CADM2: variants seen among roughly 807,000 people sequenced by gnomAD.
The protein encoded by CADM2 is cell adhesion molecule 2, also known as immunoglobulin superfamily member 4D.
A neutral mutation model predicts 49.8 loss-of-function variants in CADM2; 12 were observed. The ratio of observed to expected loss-of-function variants is 0.24; its 90% confidence interval spans 0.15 to 0.39. The LOEUF (loss-of-function observed/expected upper bound fraction) is 0.39. CADM2 is among the 10% of genes least tolerant of loss of function. CADM2 has a pLI of 1.00. For synonymous variants in CADM2, 214 were observed against 175.4 expected (o/e 1.22, Z -1.74); for missense variants, 378 against 492.3 (o/e 0.77, Z 2.20).
chr3:85,237,368 A>G (rs967063134), intron 1 of CADM2, among the ~76,000 whole-genome samples: 4 of 151,968 alleles, frequency 2.6e-5, no homozygotes, highest in Non-Finnish European at 5.9e-5. Flanking sequence ...ACCTCAAAAA[A>G]AAAATACCTA....
At chr3:86,016,611 C>A (rs779830843) in intron 8 of CADM2, among the ~76,000 whole-genome samples, 1 of 152,058 alleles carries the variant, frequency 6.6e-6, no homozygotes, top group Admixed American at 6.6e-5. Flanking sequence ...TCCTTCTCTG[C>A]GGAAGTTTCA....
At chr3:85,144,051 G>A (rs904741855) in intron 1 of CADM2, among the ~76,000 whole-genome samples, 1 of 152,064 alleles carries the variant, frequency 6.6e-6, no homozygotes, top group African/African-American at 2.4e-5. Flanking sequence ...ACTTTGCACT[G>A]TTTGTTCCTT....
chr3:85,690,812 T>C (rs1315816382), intron 1 of CADM2, among the ~76,000 whole-genome samples: 2 of 152,330 alleles, frequency 1.3e-5, no homozygotes, highest in East Asian at 3.9e-4. Context: ...TACTTGTACA[T>C]ATTTATGGTA....
chr3:85,987,915 T>C (rs1406402799), intron 8 of CADM2, among the ~76,000 whole-genome samples: 1 of 152,036 alleles, frequency 6.6e-6, no homozygotes, highest in East Asian at 1.9e-4. Context: ...TGAATTAAAT[T>C]TACAAGCTGT....
At chr3:85,816,401 G>A (rs1382999971) in intron 3 of CADM2, among the ~76,000 whole-genome samples, 1 of 152,002 alleles carries the variant, frequency 6.6e-6, no homozygotes, top group African/African-American at 2.4e-5. Context: ...TGAGTTATAG[G>A]CAGGAGTGTG....
At chr3:85,752,989 A>G (rs1450259847) in intron 2 of CADM2, among the ~76,000 whole-genome samples, 1 of 152,170 alleles carries the variant, frequency 6.6e-6, no homozygotes, top group Non-Finnish European at 1.5e-5. Flanking sequence ...CTTACTCAGT[A>G]GGTACAAATA....
At chr3:85,405,973 C>A (rs751890413) in intron 1 of CADM2, among the ~76,000 whole-genome samples, 52 of 151,364 alleles carry the variant, frequency 3.4e-4, no homozygotes, top group Non-Finnish European at 4.3e-4. Context: ...TAGATATATG[C>A]GTGCATATAT....
chr3:84,987,087 G>A (rs1559603797), intron 1 of CADM2, among the ~76,000 whole-genome samples: 1 of 151,906 alleles, frequency 6.6e-6, no homozygotes, highest in Middle Eastern at 3.2e-3. Context: ...AAAGAGTTTG[G>A]ACACTAACTG....
intron 1 of CADM2, among the ~76,000 whole-genome samples, chr3:85,442,293 AC>A (rs1408935436): frequency 6.6e-6 from 1 of 151,972 alleles, no homozygotes; most frequent in Non-Finnish European, 1.5e-5. Context: ...GTTCTTACAT[AC>A]TGACAGAATT....
chr3:85,015,296 C>T (rs938322172), intron 1 of CADM2, among the ~76,000 whole-genome samples: 1 of 152,064 alleles, frequency 6.6e-6, no homozygotes, highest in African/African-American at 2.4e-5. Context: ...GAAAACTAAG[C>T]TGACAAGTTA....
Position 86,067,856 on chromosome 3 carries a change from T to G in CADM2, c.*1073T>G, listed in dbSNP as rs1739498723. On this transcript the variant is annotated 3_prime_UTR_variant, in exon 10 of 10. Coordinates refer to ENST00000383699, the MANE Select transcript of CADM2 (RefSeq NM_001167675.2). ...TCCTAGCACTGTTCAACAACAAATT[T>G]TTCTAGTTCTTGTTAATTTTTATTT... 6.6e-6 allele frequency: 1 copy of G among 152,494 alleles called. No homozygotes were observed. The highest frequency in any genetic ancestry group is 2.4e-5 in the African/African-American group (1 of 41,460). The allele number at this position is 152,494 out of a possible 1,614,324, so 9.4% of individuals were successfully genotyped here.
intron 1 of CADM2, among the ~76,000 whole-genome samples, chr3:85,506,013 T>C (rs1272324617): frequency 6.6e-6 from 1 of 152,214 alleles, no homozygotes; most frequent in East Asian, 1.9e-4. Flanking sequence ...TAGTCAAATC[T>C]GATCCTTTTG....
At chr3:85,768,527 A>G (rs1270649712) in intron 2 of CADM2, among the ~76,000 whole-genome samples, 1 of 149,350 alleles carries the variant, frequency 6.7e-6, no homozygotes, top group Non-Finnish European at 1.5e-5. Context: ...GGGAAAAATA[A>G]TATGAACAAA....
intron 1 of CADM2, among the ~76,000 whole-genome samples, chr3:85,699,741 A>G (rs1456664506): frequency 6.6e-6 from 1 of 152,236 alleles, no homozygotes; most frequent in Admixed American, 6.5e-5. Context: ...TGGAAGGGAC[A>G]GCCAGGAAGA....
intron 1 of CADM2, among the ~76,000 whole-genome samples, chr3:85,405,628 A>G (rs2035333749): frequency 6.6e-6 from 1 of 152,178 alleles, no homozygotes; most frequent in Non-Finnish European, 1.5e-5. Flanking sequence ...ACTCAAAAGT[A>G]AAGATGAAAG....
At chr3:85,313,114 A>C (rs2044385814) in intron 1 of CADM2, among the ~76,000 whole-genome samples, 1 of 152,148 alleles carries the variant, frequency 6.6e-6, no homozygotes, top group Non-Finnish European at 1.5e-5. Context: ...AATGCTGGCT[A>C]CCCTGTGGAT....
At chr3:85,097,574 C>T (rs978288170) in intron 1 of CADM2, among the ~76,000 whole-genome samples, 1 of 152,214 alleles carries the variant, frequency 6.6e-6, no homozygotes, top group African/African-American at 2.4e-5. Context: ...GGAATCGCCA[C>T]ACTGACTTCC....
chr3:85,408,696 C>A (rs2035518295), intron 1 of CADM2, among the ~76,000 whole-genome samples: 1 of 152,112 alleles, frequency 6.6e-6, no homozygotes, highest in African/African-American at 2.4e-5. Flanking sequence ...GGGGGTTAGG[C>A]CTTCTTTTGT....
At chr3:85,716,554 G>A (rs1198302225) in intron 1 of CADM2, among the ~76,000 whole-genome samples, 2 of 152,106 alleles carry the variant, frequency 1.3e-5, no homozygotes, top group South Asian at 2.1e-4. Context: ...ATTGTTTCTG[G>A]TGTTTTAATC....
Sources: allele counts gnomAD v4.1 joint callset (sites outside exome capture counted in the v4.1 genomes callset), GRCh38; gene constraint gnomAD v4.1.1; transcripts MANE v1.5; gene names NCBI Gene and HGNC (gene_info 2026-07-23, HGNC 2026-07-21).